Variants in PRKAG2 observed in about 807,000 individuals in gnomAD.
PRKAG2 encodes protein kinase AMP-activated non-catalytic subunit gamma 2.
In PRKAG2, 26 loss-of-function variants were observed where a neutral mutation model predicts 69.6. That is an observed-to-expected ratio of 0.37 (90% CI 0.27 to 0.52). The LOEUF (loss-of-function observed/expected upper bound fraction) is 0.52. Ranked by LOEUF, PRKAG2 falls within the 20% of genes least tolerant of loss-of-function variation. The pLI is 0.90. For synonymous variants in PRKAG2, 293 were observed against 285.0 expected (o/e 1.03, Z -0.28); for missense variants, 557 against 740.0 (o/e 0.75, Z 2.87).
At chr7:151,681,210 C>T (rs1021464423) in intron 3 of PRKAG2, among the ~76,000 whole-genome samples, 1 of 152,076 alleles carries the variant, frequency 6.6e-6, no homozygotes, top group Non-Finnish European at 1.5e-5. Context: ...CCTCTGGGGC[C>T]GAGGAGATGA....
chr7:151,865,746 G>A (rs550901107), intron 1 of PRKAG2, among the ~76,000 whole-genome samples: 68 of 152,288 alleles, frequency 4.5e-4, no homozygotes, highest in African/African-American at 1.1e-3. Context: ...GAGGCCGGGC[G>A]CAGTGGCTCA....
chr7:151,615,177 T>C (rs1002604719), intron 5 of PRKAG2, among the ~76,000 whole-genome samples: 2 of 152,244 alleles, frequency 1.3e-5, no homozygotes, highest in African/African-American at 4.8e-5. Context: ...GGCTTCCAGC[T>C]CCACCCATGT....
intron 3 of PRKAG2, among the ~76,000 whole-genome samples, chr7:151,720,901 G>A (rs1796972408): frequency 7.4e-6 from 1 of 135,966 alleles, no homozygotes; most frequent in Non-Finnish European, 1.6e-5. Context: ...GGGACAGAGG[G>A]TAGTGGTGGG....
chr7:151,559,890 G>A, intron 15 of PRKAG2: 1 of 985,286 alleles, frequency 1.0e-6, no homozygotes, highest in African/African-American at 1.7e-5. Flanking sequence ...GAACTCTCAA[G>A]CCCACCTCTT....
intron 1 of PRKAG2, among the ~76,000 whole-genome samples, chr7:151,833,098 G>A (rs371133527): frequency 6.8e-4 from 104 of 152,312 alleles, no homozygotes; most frequent in Non-Finnish European, 4.0e-4. Flanking sequence ...GTGGAGAGGC[G>A]CATGTCAAAA....
intron 5 of PRKAG2, among the ~76,000 whole-genome samples, chr7:151,603,633 C>A (rs73158122): frequency 0.046 from 5,101 of 111,828 alleles, 269 homozygotes; most frequent in East Asian, 0.082. Context: ...ACGGAGGGAC[C>A]CGCTCCGTCC....
At chr7:151,641,105 T>A (rs1007727298) in intron 4 of PRKAG2, among the ~76,000 whole-genome samples, 2 of 152,082 alleles carry the variant, frequency 1.3e-5, no homozygotes, top group Non-Finnish European at 1.5e-5. Context: ...GATGGCAGGG[T>A]AGTTTTTATT....
At position 151,835,902 on chromosome 7, in the gene PRKAG2, G is replaced by A. The variant is rs2079135631; in HGVS notation, c.114+40605C>T. Among the ~76,000 whole-genome samples the A allele has an allele frequency of 6.6e-6, 1 of 152,160 alleles. No homozygotes were observed. Among genetic ancestry groups the A allele is most frequent in the Non-Finnish European group, 1.5e-5 (1 of 68,026 alleles). ...GCAGCCTTTCCGTATTCAAGAGTGG[G>A]GTGCAGCTCAGGGAGGCATCGGAGA... On this transcript the variant is annotated intron_variant, in intron 1 of 15. Coordinates refer to ENST00000287878, the MANE Select transcript of PRKAG2 (RefSeq NM_016203.4). This position sits in a 1 kb window ranked among gnomAD's most constrained non-coding sequence, Gnocchi z 4.1.
chr7:151,831,829 C>T (rs77383277), intron 1 of PRKAG2, among the ~76,000 whole-genome samples: 1,756 of 152,216 alleles, frequency 0.012, 44 homozygotes, highest in African/African-American at 0.04. Context: ...CTGCCTGCAC[C>T]GAGGCTGGGG....
intron 1 of PRKAG2, among the ~76,000 whole-genome samples, chr7:151,849,424 A>T (rs936353083): frequency 4.6e-5 from 7 of 152,170 alleles, no homozygotes; most frequent in Admixed American, 3.3e-4. Context: ...CCATGTCCCT[A>T]TTAGTCTCTG....
chr7:151,778,573 A>G (rs1053468787), intron 3 of PRKAG2, among the ~76,000 whole-genome samples: 3 of 152,208 alleles, frequency 2.0e-5, no homozygotes, highest in African/African-American at 7.2e-5. Flanking sequence ...GCCCTGCTAC[A>G]TCCCAGCATT....
chr7:151,700,818 G>T (rs1339972574), intron 3 of PRKAG2, among the ~76,000 whole-genome samples: 1 of 152,200 alleles, frequency 6.6e-6, no homozygotes, highest in African/African-American at 2.4e-5. Context: ...CACGGGGGGA[G>T]CCTGGCCTTG....
chr7:151,671,002 C>T (rs1351253870), intron 4 of PRKAG2, among the ~76,000 whole-genome samples: 1 of 151,968 alleles, frequency 6.6e-6, no homozygotes, highest in Non-Finnish European at 1.5e-5. Context: ...GGCAAAACCC[C>T]GTCTCTACTA....
intron 14 of PRKAG2, among the ~76,000 whole-genome samples, chr7:151,561,054 T>C (rs938408490): frequency 6.6e-6 from 1 of 152,286 alleles, no homozygotes; most frequent in South Asian, 2.1e-4. Context: ...ACCTACTCCG[T>C]ATTAAAAAGT....
At chr7:151,673,838 CTTTTTTTTTTTT>C (rs57744338) in intron 4 of PRKAG2, among the ~76,000 whole-genome samples, 2 of 87,590 alleles carry the variant, frequency 2.3e-5, no homozygotes, top group African/African-American at 4.5e-5. Context: ...AGCTTGTGTT[CTTTTTTTTTTTT>C]TTTTTTTTTT....
chr7:151,751,137 G>A (rs188448018), intron 3 of PRKAG2, among the ~76,000 whole-genome samples: 3,544 of 138,678 alleles, frequency 0.026, 63 homozygotes, highest in Middle Eastern at 0.047. Context: ...TCACTCTGTC[G>A]CCCAGGCTGG....
In PRKAG2 at chr7:151,576,550, G is replaced by T. The variant is rs990101011; in HGVS notation, c.865-98C>A. ...AGGTTTCACTCTGTTGCCCAGGCTG[G>T]AGTGCAGTGGCACCATCTTGGCTCA... On this transcript the variant is annotated intron_variant, in intron 6 of 15. Transcript: ENST00000287878. 3 of 1,061,616 alleles carry T rather than the reference G, an allele frequency of 2.8e-6. No individual in the cohort carries two copies. The African/African-American group carries it at 4.8e-5, about 17-fold the overall frequency. The allele number at this position is 1,061,616 out of a possible 1,614,324, so 65.8% of individuals were successfully genotyped here.
chr7:151,870,153 A>G (rs370055801), intron 1 of PRKAG2, among the ~76,000 whole-genome samples: 86 of 115,472 alleles, frequency 7.4e-4, no homozygotes, highest in African/African-American at 2.4e-3. Context: ...AGATAGATAG[A>G]TAGGCAGGCA....
At chr7:151,761,545 G>A (rs923312160) in intron 3 of PRKAG2, among the ~76,000 whole-genome samples, 1 of 151,992 alleles carries the variant, frequency 6.6e-6, no homozygotes, top group South Asian at 2.1e-4. Flanking sequence ...CCCTCTGAAG[G>A]CATCCCAACT....
Sources: gnomAD v4.1 joint callset for allele counts (sites outside exome capture counted in the v4.1 genomes callset) on GRCh38, gnomAD v4.1.1 for gene constraint, Gnocchi (gnomAD v3.1) non-coding constraint, MANE v1.5 for transcripts, NCBI Gene and HGNC (gene_info 2026-07-23, HGNC 2026-07-21) for gene names.